The following PLCE1 variants were observed in gnomAD, a reference collection of about 807,000 sequenced individuals.
PLCE1 encodes 1-phosphatidylinositol 4,5-bisphosphate phosphodiesterase epsilon-1.
In PLCE1, 119 loss-of-function variants were observed where a neutral mutation model predicts 242.8. The ratio of observed to expected loss-of-function variants is 0.49; its 90% CI spans 0.42 to 0.57. The LOEUF (loss-of-function observed/expected upper bound fraction) is 0.57. Among genes scored for constraint, PLCE1 ranks in the 20% least tolerant of loss-of-function variants. The pLI is 0.00. For missense variants in PLCE1, 2,441 were observed against 2,788.8 expected, an observed-to-expected ratio of 0.88 and a Z score of 2.81; for synonymous variants, 945 against 1,017.4, an observed-to-expected ratio of 0.93 and a Z score of 1.35.
chr10:94,022,032 T>C (rs868678965), intron 1 of PLCE1, among the ~76,000 whole-genome samples: 8 of 152,002 alleles, frequency 5.3e-5, no homozygotes, highest in Non-Finnish European at 7.4e-5. Flanking sequence ...AGCATCATAA[T>C]TGAAGATTCT....
intron 3 of PLCE1, among the ~76,000 whole-genome samples, chr10:94,150,969 G>C (rs947094722): frequency 6.6e-6 from 1 of 152,166 alleles, no homozygotes; most frequent in African/African-American, 2.4e-5. Flanking sequence ...GCTGTCCATG[G>C]TCAGCTGTGG....
intron 3 of PLCE1, among the ~76,000 whole-genome samples, chr10:94,137,065 T>C (rs1485797756): frequency 1.3e-5 from 2 of 151,882 alleles, no homozygotes; most frequent in Non-Finnish European, 2.9e-5. Flanking sequence ...TGGTGGTGGG[T>C]GCCTGTAGTC....
At chr10:94,126,603 A>G (rs2046443833) in intron 2 of PLCE1, among the ~76,000 whole-genome samples, 1 of 152,178 alleles carries the variant, frequency 6.6e-6, no homozygotes, top group Non-Finnish European at 1.5e-5. Context: ...TGTGGATGCC[A>G]TGTTGTGATG....
At chr10:94,266,034 T>C (rs1181545738) in intron 16 of PLCE1, 76 bp downstream of exon 16, 2 of 1,404,396 alleles carry the variant, frequency 1.4e-6, no homozygotes, top group African/African-American at 2.8e-5. Flanking sequence ...CAAAAAAACC[T>C]GACCCCAGAC....
chr10:94,038,310 C>T (rs967033047), intron 2 of PLCE1, among the ~76,000 whole-genome samples: 9 of 152,142 alleles, frequency 5.9e-5, no homozygotes, highest in African/African-American at 2.2e-4. Flanking sequence ...TCAGACAGCG[C>T]CCTCTCTCAA....
In PLCE1 at chr10:94,325,635, CTT is replaced by C. The variant is rs1195749511; in HGVS notation, c.*24+532_*24+533del. On this transcript the variant is annotated intron_variant, in intron 32 of 32. Coordinates refer to ENST00000371380, the MANE Select transcript of PLCE1 (RefSeq NM_016341.4). ...GAAAAAAAAAAATATATATATGTAACTTGAGCTTTTGTAATTTTAGACCCCTT... is the reference window on the plus strand; with the variant it reads ...GAAAAAAAAAAATATATATATGTAACGAGCTTTTGTAATTTTAGACCCCTT... 739 of 151,164 alleles carry C rather than the reference CTT, an allele frequency of 4.9e-3. 3 individuals are homozygous for C. Among genetic ancestry groups the C allele is most frequent in the African/African-American group, 0.017 (696 of 41,116 alleles). 9.4% of individuals were successfully genotyped at this position (151,164 alleles called of 1,614,324 possible).
intron 4 of PLCE1, among the ~76,000 whole-genome samples, chr10:94,202,883 T>C (rs544661155): frequency 2.6e-5 from 4 of 152,318 alleles, no homozygotes; most frequent in Middle Eastern, 3.4e-3. Flanking sequence ...CTTCTGCAAC[T>C]AGTGTGTCCT....
chr10:94,044,845 T>G (rs964539694), intron 2 of PLCE1, among the ~76,000 whole-genome samples: 2 of 152,132 alleles, frequency 1.3e-5, no homozygotes, highest in Admixed American at 1.3e-4. Flanking sequence ...CATTATATGC[T>G]CAGAACAGTG....
chr10:94,044,244 C>G (rs371578253), intron 2 of PLCE1, among the ~76,000 whole-genome samples: 4 of 152,186 alleles, frequency 2.6e-5, no homozygotes, highest in African/African-American at 9.6e-5. Context: ...AGGTCTTGCT[C>G]AGCTAAATAA....
chr10:94,183,760 T>C (rs2048382928), intron 4 of PLCE1, among the ~76,000 whole-genome samples: 1 of 152,106 alleles, frequency 6.6e-6, no homozygotes, highest in African/African-American at 2.4e-5. Flanking sequence ...GAGCTTTTAC[T>C]CATGGCGGGA....
chr10:94,279,425 G>A (rs2052105976), intron 19 of PLCE1: 1 of 312,896 alleles, frequency 3.2e-6, no homozygotes, highest in African/African-American at 2.2e-5. Flanking sequence ...ACATACTTCT[G>A]AAAAATTGAT....
At chr10:94,140,268 A>G (rs1407784739) in intron 3 of PLCE1, among the ~76,000 whole-genome samples, 2 of 152,058 alleles carry the variant, frequency 1.3e-5, no homozygotes, top group Non-Finnish European at 2.9e-5. Flanking sequence ...TTTATTTCAG[A>G]TAGAAAAGTC....
At chr10:94,317,518 C>T (rs1201579867) in intron 29 of PLCE1, among the ~76,000 whole-genome samples, 2 of 152,142 alleles carry the variant, frequency 1.3e-5, no homozygotes. Flanking sequence ...CTAATAGAAG[C>T]TTCCATGCTT....
intron 3 of PLCE1, among the ~76,000 whole-genome samples, chr10:94,161,721 C>T (rs1238145448): frequency 6.6e-6 from 1 of 152,140 alleles, no homozygotes; most frequent in Non-Finnish European, 1.5e-5. Flanking sequence ...AGAGGGCATC[C>T]CTGTCTTGTG....
At chr10:94,205,410 T>G (rs1482358912) in intron 4 of PLCE1, among the ~76,000 whole-genome samples, 1 of 151,804 alleles carries the variant, frequency 6.6e-6, no homozygotes, top group Non-Finnish European at 1.5e-5. Context: ...CTGGTGGAGG[T>G]GGGGAGGAAG....
chr10:94,212,753 C>T (rs974197794), intron 4 of PLCE1, among the ~76,000 whole-genome samples: 1 of 152,188 alleles, frequency 6.6e-6, no homozygotes, highest in Non-Finnish European at 1.5e-5. Context: ...CCCTGAAACA[C>T]AGTTTGGGAA....
chr10:94,107,695 G>A (rs557602486), intron 2 of PLCE1: 1 of 151,972 alleles, frequency 6.6e-6, no homozygotes, highest in East Asian at 1.9e-4. Flanking sequence ...GATGCTTGGA[G>A]TCTTTAGACA....
At chr10:94,064,019 A>G (rs1226477981) in intron 2 of PLCE1, among the ~76,000 whole-genome samples, 3 of 152,144 alleles carry the variant, frequency 2.0e-5, no homozygotes, top group Admixed American at 2.0e-4. Flanking sequence ...GGGTGAGGGT[A>G]CTGAGAGGTG....
rs1352289869 is a variant in PLCE1, at chr10:94,322,052, T to C, written c.6494T>C (p.Ile2165Thr). The change falls in exon 30 of 33, where the codon ATT (isoleucine) becomes ACT (threonine). Residue 2165 changes from isoleucine (I) to threonine (T), a missense_variant. By Grantham distance (89) the Ile-to-Thr change is moderately conservative (BLOSUM62 -1). This residue lies in a region of PLCE1 where 310 missense variants were observed against 317.2 expected (regional missense o/e 0.98). Coordinates refer to ENST00000371380, the MANE Select transcript of PLCE1 (RefSeq NM_016341.4). The stretch of plus-strand genomic sequence containing the variant: ...CGCGTCAGCACTGCACAGGATGTCA[T>C]TCAGCAGGTAAAAGCCTCTCCCTTC... ...APRVSTAQDV[I>T]QQTLCKAKYS... is the part of the protein sequence containing the mutation. 8 of 1,613,978 alleles carry C rather than the reference T, an allele frequency of 5.0e-6. No individual in the cohort carries two copies. Among genetic ancestry groups the C allele is most frequent in the African/African-American group, 2.7e-5 (2 of 74,910 alleles).
Sources: allele counts gnomAD v4.1 joint callset (sites outside exome capture counted in the v4.1 genomes callset), GRCh38; gene constraint gnomAD v4.1.1; regional missense constraint gnomAD v4.1.1; transcripts MANE v1.5; gene names NCBI Gene and HGNC (gene_info 2026-07-23, HGNC 2026-07-21).